MAP6D1: variants seen among roughly 807,000 people sequenced by gnomAD.
MAP6D1 encodes the protein MAP6 domain containing 1, also known as MAP6 domain-containing protein 1.
MAP6D1 carries 13 observed loss-of-function variants against 17.4 expected under a neutral mutation model. The observed-to-expected ratio is 0.75, with a 90% CI of 0.49 to 1.19. The LOEUF is 1.19. Among genes scored for constraint, MAP6D1 ranks in the 50% most tolerant of loss-of-function variants. The pLI is 0.00. For synonymous variants in MAP6D1, 141 were observed against 145.7 expected (o/e 0.97, Z 0.23); for missense variants, 313 against 312.6 (o/e 1.00, Z -0.01).
At chr3:183,817,872 T>TG (rs1230888370) in intron 2 of MAP6D1, 122 bp downstream of exon 2, 1 of 797,018 alleles carries the variant, frequency 1.3e-6, no homozygotes, top group African/African-American at 1.7e-5. Flanking sequence ...TCGGGACATC[T>TG]GGTTGGCACT....
At position 183,819,087 on chromosome 3, in the gene MAP6D1, C is replaced by T. The variant is rs986660929; in HGVS notation, c.402-976G>A. On this transcript the variant is annotated intron_variant, in intron 1 of 2. Coordinates refer to ENST00000318631, the MANE Select transcript of MAP6D1 (RefSeq NM_024871.4). ...TAGCTGGGCCTGGCACCCACGTGTG[C>T]GGAGTTGCTCCTGCCCAGGCTGGAC... Among the ~76,000 whole-genome samples, 67 of 152,224 alleles carry T rather than the reference C, an allele frequency of 4.4e-4. 1 individual carries two copies. Among genetic ancestry groups the T allele is most frequent in the Admixed American group, 4.1e-3 (63 of 15,286 alleles).
chr3:183,822,775 C>T (rs1727290194), intron 1 of MAP6D1, among the ~76,000 whole-genome samples: 1 of 152,194 alleles, frequency 6.6e-6, no homozygotes, highest in Non-Finnish European at 1.5e-5. Flanking sequence ...CTGGAGGGGC[C>T]TGAATAGCGG....
chr3:183,820,142 G>C (rs1247033700), intron 1 of MAP6D1: 1 of 152,322 alleles, frequency 6.6e-6, no homozygotes, highest in Non-Finnish European at 1.5e-5. Flanking sequence ...CAGGGGTGAA[G>C]AAGCTGAGGC....
chr3:183,822,906 C>G (rs1194467106), intron 1 of MAP6D1, among the ~76,000 whole-genome samples: 1 of 152,222 alleles, frequency 6.6e-6, no homozygotes, highest in East Asian at 1.9e-4. Flanking sequence ...GGGAAGGAAG[C>G]GCTTTCTGTC....
At position 183,816,941 on chromosome 3, in the gene MAP6D1, A is replaced by G. The variant is rs574112481; in HGVS notation, c.*415T>C. 39 of 204,892 alleles carry G rather than the reference A, an allele frequency of 1.9e-4. 1 individual carries two copies. In the South Asian group the frequency reaches 2.6e-3, roughly 14 times the overall value. The allele number at this position is 204,892 out of a possible 1,614,324, so 12.7% of individuals were successfully genotyped here. ...CAAGGGTCTCACTGTAGGTTATGAA[A>G]TTAATCAAGTGCTCACGCATCCTGG... On this transcript the variant is annotated 3_prime_UTR_variant, in exon 3 of 3. Transcript: ENST00000318631.
In MAP6D1 at chr3:183,825,374, C is replaced by G; in HGVS notation, c.174G>C (p.Arg58=). ...SRRGQPPAGA[R]DSGRDVPLTQ... ...TGAGCGGCACGTCCCGGCCGGAATC[C>G]CGGGCGCCCGCGGGAGGCTGGCCCC... is the stretch of plus-strand genomic sequence containing the variant. The change falls in exon 1 of 3, where the codon CGG becomes CGC. Residue 58 remains arginine (R), a synonymous_variant. Transcript: ENST00000318631. The G allele has an allele frequency of 6.9e-7, 1 of 1,442,624 alleles. No homozygotes were observed. Among genetic ancestry groups the G allele is most frequent in the Non-Finnish European group, 9.1e-7 (1 of 1,099,922 alleles). The allele number at this position is 1,442,624 out of a possible 1,614,324, so 89.4% of individuals were successfully genotyped here.
rs1487859237 is a variant in MAP6D1 at position 183,816,451 on chromosome 3, G to A, written c.*905C>T. The A allele has an allele frequency of 1.3e-5, 2 of 152,316 alleles. No homozygotes were observed. Among genetic ancestry groups the A allele is most frequent in the African/African-American group, 4.8e-5 (2 of 41,460 alleles). 9.4% of individuals were successfully genotyped at this position (152,316 alleles called of 1,614,324 possible). A position where few individuals can be genotyped will look rare whatever the true frequency, so the allele number is the denominator to read the frequency against. On this transcript the variant is annotated 3_prime_UTR_variant, in exon 3 of 3. Coordinates refer to ENST00000318631, the MANE Select transcript of MAP6D1 (RefSeq NM_024871.4). ...AATTTACGGAGGAAGTTAGGAGAGA[G>A]CTTTGCAAAGAAAATGAACTGCCTC...
At chr3:183,824,850 C>A (rs1727340192) in intron 1 of MAP6D1, among the ~76,000 whole-genome samples, 1 of 152,234 alleles carries the variant, frequency 6.6e-6, no homozygotes, top group African/African-American at 2.4e-5. Flanking sequence ...TCCAACTCGG[C>A]TGAAGGCAGG....
At chr3:183,823,118 CCA>C (rs1727296749) in intron 1 of MAP6D1, among the ~76,000 whole-genome samples, 1 of 152,214 alleles carries the variant, frequency 6.6e-6, no homozygotes, top group South Asian at 2.1e-4. Flanking sequence ...CCTCAGCCTC[CCA>C]AGTAGCTGGA....
chr3:183,822,793 G>A (rs1196001262), intron 1 of MAP6D1, among the ~76,000 whole-genome samples: 4 of 152,232 alleles, frequency 2.6e-5, no homozygotes, highest in African/African-American at 9.6e-5. Flanking sequence ...CGGAGAGTCT[G>A]GAAGGCCAGG....
chr3:183,822,142 G>A (rs1049836034), intron 1 of MAP6D1, among the ~76,000 whole-genome samples: 1 of 151,958 alleles, frequency 6.6e-6, no homozygotes, highest in Non-Finnish European at 1.5e-5. Context: ...CACAGTGGCT[G>A]ATGCCTTTAA....
At position 183,816,575 on chromosome 3, in the gene MAP6D1, A is replaced by T. The variant is rs1727113387; in HGVS notation, c.*781T>A. On this transcript the variant is annotated 3_prime_UTR_variant, in exon 3 of 3. Transcript: ENST00000318631. ...TTAAGGTATTTCAGGGAATGAGACAAATGCCACCTTCCCAAAAACAGTTCC... is the reference window on the plus strand; with the variant it reads ...TTAAGGTATTTCAGGGAATGAGACATATGCCACCTTCCCAAAAACAGTTCC... 6.6e-6 allele frequency: 1 copy of T among 152,296 alleles called. No individual in the cohort carries two copies. The highest frequency in any genetic ancestry group is 1.5e-5 in the Non-Finnish European group (1 of 68,132). The allele number at this position is 152,296 out of a possible 1,614,324, so 9.4% of individuals were successfully genotyped here.
chr3:183,818,275 T>C (rs894000), intron 1 of MAP6D1, among the ~76,000 whole-genome samples, 164 bp from the exon 2 acceptor site: 107,955 of 152,178 alleles, frequency 0.71, 39,218 homozygotes, highest in East Asian at 0.96. Context: ...GCAAGGCAAG[T>C]GCACTCCCGT....
At chr3:183,819,875 ACTTGAATATCAGCC>A (rs561048495) in intron 1 of MAP6D1, among the ~76,000 whole-genome samples, 241 of 152,360 alleles carry the variant, frequency 1.6e-3, no homozygotes, top group African/African-American at 5.7e-3. Flanking sequence ...GTCTTGTGGA[ACTTGAATATCAGCC>A]CTTTAACTGC....
chr3:183,818,179 T>A, intron 1 of MAP6D1, 68 bp from the exon 2 acceptor site: 2 of 1,302,118 alleles, frequency 1.5e-6, no homozygotes, highest in Non-Finnish European at 2.2e-6. Flanking sequence ...CCCCAGGGGC[T>A]GCTGCTCTGC....
intron 1 of MAP6D1, among the ~76,000 whole-genome samples, chr3:183,822,240 AACAC>A (rs60341893): frequency 0.13 from 17,521 of 137,764 alleles, 1,339 homozygotes; most frequent in South Asian, 0.2. Context: ...CCATCTCTAA[AACAC>A]ACACACACAC....
chr3:183,823,194 A>T (rs1271961244), intron 1 of MAP6D1, among the ~76,000 whole-genome samples: 2 of 152,098 alleles, frequency 1.3e-5, no homozygotes, highest in African/African-American at 4.8e-5. Flanking sequence ...GGGTCTCACT[A>T]TGTTGCCCAG....
intron 1 of MAP6D1, among the ~76,000 whole-genome samples, chr3:183,820,685 A>G (rs1417726593): frequency 2.0e-5 from 3 of 151,550 alleles, no homozygotes; most frequent in East Asian, 1.9e-4. Flanking sequence ...GGATCACGAG[A>G]TCAGGAGATC....
intron 1 of MAP6D1, among the ~76,000 whole-genome samples, chr3:183,823,518 T>C (rs969300356): frequency 6.6e-6 from 1 of 152,140 alleles, no homozygotes; most frequent in African/African-American, 2.4e-5. Flanking sequence ...GAAGAATTGC[T>C]TGAACCTAGG....
Sources: allele counts gnomAD v4.1 joint callset (sites outside exome capture counted in the v4.1 genomes callset), GRCh38; gene constraint gnomAD v4.1.1; transcripts MANE v1.5; gene names NCBI Gene and HGNC (gene_info 2026-07-23, HGNC 2026-07-21).